TYR: variants seen among roughly 807,000 people sequenced by gnomAD.
TYR encodes the protein LB24-AB.
In TYR, 58 loss-of-function variants were observed where a neutral mutation model predicts 51.5. The observed-to-expected ratio is 1.13, with a 90% CI of 0.91 to 1.40. TYR has a LOEUF of 1.40. TYR is among the 40% of genes most tolerant of loss of function. The pLI, the probability that TYR is intolerant of heterozygous loss-of-function variation, is 0.00. For missense variants in TYR, 732 were observed against 647.4 expected (o/e 1.13, Z -1.42); for synonymous variants, 263 against 235.2 (o/e 1.12, Z -1.08).
chr11:89,212,811 T>G (rs891500413), intron 2 of TYR, among the ~76,000 whole-genome samples: 1 of 152,238 alleles, frequency 6.6e-6, no homozygotes, highest in South Asian at 2.1e-4. Flanking sequence ...TGTAAATCCA[T>G]CACATAAACA....
intron 2 of TYR, among the ~76,000 whole-genome samples, chr11:89,197,547 G>A (rs1477700740): frequency 1.3e-5 from 2 of 152,108 alleles, no homozygotes; most frequent in African/African-American, 4.8e-5. Context: ...AGTTGTGATA[G>A]GTTATTAAAC....
At chr11:89,206,932 T>A (rs1943679418) in intron 2 of TYR, among the ~76,000 whole-genome samples, 1 of 152,012 alleles carries the variant, frequency 6.6e-6, no homozygotes, top group Non-Finnish European at 1.5e-5. Flanking sequence ...TAAATAAAAT[T>A]AAAAACCAAA....
Position 89,199,937 on chromosome 11 carries a change from C to T in TYR, c.1036+8519C>T, listed in dbSNP as rs549833857. Among the ~76,000 whole-genome samples, 553 of 152,232 alleles carry T rather than the reference C, an allele frequency of 3.6e-3. 4 individuals are homozygous for T. Among genetic ancestry groups the T allele is most frequent in the African/African-American group, 0.011 (476 of 41,552 alleles). On this transcript the variant is annotated intron_variant, in intron 2 of 4. Coordinates refer to ENST00000263321, the MANE Select transcript of TYR (RefSeq NM_000372.5). ...TTTATGGAGCAAAATAATAATACAC[C>T]TTTTCTAAGTATAGAGTCAGGCATT...
intron 1 of TYR, among the ~76,000 whole-genome samples, chr11:89,185,406 G>T (rs953854081): frequency 6.6e-6 from 1 of 152,118 alleles, no homozygotes; most frequent in Non-Finnish European, 1.5e-5. Flanking sequence ...TTTTGTAGGA[G>T]ATTCTTTGGC....
intron 2 of TYR, among the ~76,000 whole-genome samples, chr11:89,223,729 T>C (rs1000595330): frequency 2.0e-5 from 3 of 152,160 alleles, no homozygotes; most frequent in Non-Finnish European, 2.9e-5. Context: ...GTCTCTAGTC[T>C]ATTTGAAGAG....
rs144432057 is a variant in TYR, at chr11:89,195,504, C to A, written c.1036+4086C>A. 7.6e-3 allele frequency among the ~76,000 whole-genome samples: 1,162 copies of A among 152,052 alleles called. 10 individuals carry two copies. The highest frequency in any genetic ancestry group is 0.031 in the Middle Eastern group (9 of 294). On this transcript the variant is annotated intron_variant, in intron 2 of 4. Coordinates refer to ENST00000263321, the MANE Select transcript of TYR (RefSeq NM_000372.5). ...GACCAGCCTGGCCAACATAGAGAAA[C>A]CCCGTTTCTACTAAAAATACAAAAA... is the stretch of plus-strand genomic sequence containing the variant.
chr11:89,199,908 G>A (rs938784607), intron 2 of TYR, among the ~76,000 whole-genome samples: 2 of 152,142 alleles, frequency 1.3e-5, no homozygotes, highest in Non-Finnish European at 2.9e-5. Context: ...GGTCCTAGAA[G>A]ATCTTTATGG....
Position 89,177,976 on chromosome 11 carries a change from GC to G in TYR, c.25del (p.Leu9CysfsTer22), listed in dbSNP as rs281865524. The G allele has an allele frequency of 3.7e-6, 6 of 1,614,000 alleles. No individual in the cohort carries two copies. Among genetic ancestry groups the G allele is most frequent in the Non-Finnish European group, 5.1e-6 (6 of 1,180,024 alleles). MLLAVLY[C>X]LLWSFQTSAG... Reference sequence around the variant, plus strand: ...AGAATGCTCCTGGCTGTTTTGTACTGCCTGCTGTGGAGTTTCCAGACCTCCG... The same window carrying G: ...AGAATGCTCCTGGCTGTTTTGTACTGCTGCTGTGGAGTTTCCAGACCTCCG... On this transcript the variant is annotated frameshift_variant, in exon 1 of 5. Coordinates refer to ENST00000263321, the MANE Select transcript of TYR (RefSeq NM_000372.5). LOFTEE classifies it high-confidence loss of function.
intron 2 of TYR, among the ~76,000 whole-genome samples, chr11:89,219,397 A>G (rs1264830615): frequency 1.3e-5 from 2 of 151,740 alleles, no homozygotes; most frequent in African/African-American, 4.8e-5. Flanking sequence ...CCCAGGTTCA[A>G]ACGATTCTCC....
chr11:89,213,853 A>G (rs1026620442), intron 2 of TYR, among the ~76,000 whole-genome samples: 3 of 152,214 alleles, frequency 2.0e-5, no homozygotes, highest in African/African-American at 7.2e-5. Context: ...AGGATTCCCT[A>G]TTTAATAAAT....
intron 3 of TYR, among the ~76,000 whole-genome samples, chr11:89,240,350 T>C (rs1046259737): frequency 6.6e-6 from 1 of 152,048 alleles, no homozygotes; most frequent in African/African-American, 2.4e-5. Flanking sequence ...ATTCAGAAAA[T>C]ACAAAAAGTG....
At chr11:89,252,136 T>G (rs1590879417) in intron 3 of TYR, among the ~76,000 whole-genome samples, 1 of 151,820 alleles carries the variant, frequency 6.6e-6, no homozygotes, top group African/African-American at 2.4e-5. Context: ...TATGTGCAAT[T>G]CTTAAAGTTG....
intron 3 of TYR, among the ~76,000 whole-genome samples, chr11:89,280,510 T>C (rs1292613778): frequency 6.6e-6 from 1 of 151,502 alleles, no homozygotes; most frequent in Non-Finnish European, 1.5e-5. Context: ...GTCTTTCTGC[T>C]TACATTATTC....
intron 3 of TYR, among the ~76,000 whole-genome samples, chr11:89,244,225 A>G (rs1418115613): frequency 1.3e-5 from 2 of 152,122 alleles, no homozygotes; most frequent in African/African-American, 2.4e-5. Context: ...GTTTCCTTTT[A>G]TCTATTTTTA....
At chr11:89,275,786 A>T (rs1362186715) in intron 3 of TYR, among the ~76,000 whole-genome samples, 1 of 151,804 alleles carries the variant, frequency 6.6e-6, no homozygotes, top group African/African-American at 2.4e-5. Flanking sequence ...TGTTTGACTT[A>T]TTTGAACATG....
intron 3 of TYR, among the ~76,000 whole-genome samples, chr11:89,261,865 T>A (rs1015071150): frequency 6.6e-6 from 1 of 151,022 alleles, no homozygotes; most frequent in East Asian, 2.0e-4. Flanking sequence ...CCAACCACAA[T>A]GGAAAAAAAA....
intron 3 of TYR, among the ~76,000 whole-genome samples, chr11:89,233,481 G>A (rs1248104681): frequency 1.5e-5 from 2 of 137,868 alleles, no homozygotes; most frequent in Non-Finnish European, 3.1e-5. Flanking sequence ...CTAGAATGGC[G>A]ACTCCTTTCC....
intron 4 of TYR, among the ~76,000 whole-genome samples, chr11:89,290,922 G>T (rs774062340): frequency 6.6e-6 from 1 of 151,918 alleles, no homozygotes; most frequent in Non-Finnish European, 1.5e-5. Context: ...TTGTTAGAAA[G>T]AATCCATTTG....
intron 2 of TYR, among the ~76,000 whole-genome samples, chr11:89,218,131 A>G (rs1363280099): frequency 6.6e-6 from 1 of 152,166 alleles, no homozygotes; most frequent in African/African-American, 2.4e-5. Flanking sequence ...AGAGAGGCCT[A>G]TAACATAAAA....
Sources: gnomAD v4.1 joint callset for allele counts (sites outside exome capture counted in the v4.1 genomes callset) on GRCh38, gnomAD v4.1.1 for gene constraint, MANE v1.5 for transcripts, NCBI Gene and HGNC (gene_info 2026-07-23, HGNC 2026-07-21) for gene names.